The following PPARGC1A variants were observed in gnomAD, a reference collection of about 807,000 sequenced individuals.
PPARGC1A encodes PPARG coactivator 1 alpha, also known as peroxisome proliferator-activated receptor gamma coactivator 1-alpha.
Under a neutral mutation model 88.7 loss-of-function variants are expected in PPARGC1A, and 25 were observed. That is an observed-to-expected ratio of 0.28 (90% CI 0.21 to 0.39). The LOEUF (loss-of-function observed/expected upper bound fraction) is 0.39, where lower values mean the gene tolerates loss of function less well. Among genes scored for constraint, PPARGC1A ranks in the 10% least tolerant of loss-of-function variants. PPARGC1A has a pLI of 1.00. For missense variants in PPARGC1A, 880 were observed against 968.7 expected (o/e 0.91, Z 1.22); for synonymous variants, 363 against 355.6 (o/e 1.02, Z -0.24).
the PPARGC1A span, among the ~76,000 whole-genome samples, chr4:24,200,500 A>G: frequency 2.9e-4 from 44 of 152,110 alleles, no homozygotes; most frequent in South Asian, 4.2e-3. Context: ...AACAAGAGCG[A>G]AACTCTGACT....
At chr4:24,147,767 G>T in the PPARGC1A span, among the ~76,000 whole-genome samples, 1 of 152,072 alleles carries the variant, frequency 6.6e-6, no homozygotes, top group African/African-American at 2.4e-5. Context: ...GAAGGAAATG[G>T]TGAAACCCAT....
At chr4:23,909,408 C>T in the PPARGC1A span, among the ~76,000 whole-genome samples, 1 of 152,066 alleles carries the variant, frequency 6.6e-6, no homozygotes, top group East Asian at 1.9e-4. Flanking sequence ...GCGAAACCTG[C>T]GTGGATGCCA....
At chr4:23,951,400 A>C in the PPARGC1A span, among the ~76,000 whole-genome samples, 1 of 152,130 alleles carries the variant, frequency 6.6e-6, no homozygotes, top group Non-Finnish European at 1.5e-5. Flanking sequence ...CTGGAACATG[A>C]GGCTAGGGAG....
the PPARGC1A span, among the ~76,000 whole-genome samples, chr4:24,278,722 T>C: frequency 4.6e-5 from 7 of 152,348 alleles, no homozygotes; most frequent in East Asian, 1.3e-3. Context: ...ACCGTGTTGC[T>C]ATTTTGACTT....
the PPARGC1A span, among the ~76,000 whole-genome samples, chr4:24,139,635 A>T: frequency 1.3e-5 from 2 of 152,086 alleles, no homozygotes; most frequent in Non-Finnish European, 2.9e-5. Context: ...CCCCGGACTT[A>T]TTTCCCATCC....
chr4:23,804,647 T>A (rs1269111771), intron 10 of PPARGC1A, among the ~76,000 whole-genome samples: 1 of 152,232 alleles, frequency 6.6e-6, no homozygotes, highest in East Asian at 1.9e-4. Context: ...CTGGGCCTGT[T>A]GTCATCATGG....
At chr4:24,197,713 G>T in the PPARGC1A span, among the ~76,000 whole-genome samples, 6 of 152,134 alleles carry the variant, frequency 3.9e-5, no homozygotes, top group Non-Finnish European at 8.8e-5. Context: ...GTGCCACCTT[G>T]CAAAGGAGAA....
chr4:23,939,659 T>A, the PPARGC1A span, among the ~76,000 whole-genome samples: 1 of 152,146 alleles, frequency 6.6e-6, no homozygotes, highest in Non-Finnish European at 1.5e-5. Flanking sequence ...TGCCACAAAC[T>A]TAGAAGTTAT....
chr4:24,224,710 A>T, the PPARGC1A span, among the ~76,000 whole-genome samples: 1 of 152,196 alleles, frequency 6.6e-6, no homozygotes, highest in Non-Finnish European at 1.5e-5. Flanking sequence ...GAGATGACTG[A>T]TCATAATAAG....
At chr4:24,365,270 A>G in the PPARGC1A span, among the ~76,000 whole-genome samples, 1 of 152,226 alleles carries the variant, frequency 6.6e-6, no homozygotes, top group Non-Finnish European at 1.5e-5. Context: ...ATTTAAAAAT[A>G]TGTTCCCAAG....
chr4:24,049,638 A>T, the PPARGC1A span, among the ~76,000 whole-genome samples: 1 of 152,062 alleles, frequency 6.6e-6, no homozygotes, highest in Non-Finnish European at 1.5e-5. Flanking sequence ...AATTAATATC[A>T]ATGACTATTT....
chr4:24,378,965 T>C, the PPARGC1A span, among the ~76,000 whole-genome samples: 1 of 152,220 alleles, frequency 6.6e-6, no homozygotes, highest in East Asian at 1.9e-4. Flanking sequence ...TCCTTACTAT[T>C]CATAAAAATC....
At position 23,842,840 on chromosome 4, in the gene PPARGC1A, T is replaced by G. The variant is rs1157489548; in HGVS notation, c.235-11089A>C. 4.6e-5 allele frequency among the ~76,000 whole-genome samples: 7 copies of G among 152,218 alleles called. No homozygotes were observed. The East Asian group carries it at 1.4e-3, about 29-fold the overall frequency. ...GGGTAATTTGCTGTTTTGTGGCTGT[T>G]GAGTAGTGTGTAAATCAAGTTGAAA... On this transcript the variant is annotated intron_variant, in intron 2 of 12. Transcript: ENST00000264867.
the PPARGC1A span, among the ~76,000 whole-genome samples, chr4:23,925,871 G>T: frequency 6.6e-6 from 1 of 151,996 alleles, no homozygotes. Context: ...TTTTAAATAA[G>T]GAAGAAACTT....
At chr4:23,798,148 ACT>A (rs1326446911) in intron 12 of PPARGC1A, among the ~76,000 whole-genome samples, 1 of 151,324 alleles carries the variant, frequency 6.6e-6, no homozygotes, top group Non-Finnish European at 1.5e-5. Context: ...CCCTTCTCTG[ACT>A]CTCTTTTCAG....
chr4:24,378,116 C>G, the PPARGC1A span, among the ~76,000 whole-genome samples: 1 of 152,126 alleles, frequency 6.6e-6, no homozygotes, highest in Non-Finnish European at 1.5e-5. Flanking sequence ...GTGGGTAGAT[C>G]ACCTGAGGTC....
At chr4:23,909,479 C>T in the PPARGC1A span, among the ~76,000 whole-genome samples, 7 of 150,722 alleles carry the variant, frequency 4.6e-5, 1 homozygote, top group East Asian at 2.4e-4. Flanking sequence ...ATTCATAGCC[C>T]CTCTAATAAA....
chr4:24,204,466 G>C, the PPARGC1A span, among the ~76,000 whole-genome samples: 2 of 151,932 alleles, frequency 1.3e-5, no homozygotes, highest in African/African-American at 4.8e-5. Context: ...GGAGGGACAG[G>C]GAAGGAAGGG....
the PPARGC1A span, among the ~76,000 whole-genome samples, chr4:24,209,687 G>A: frequency 1.3e-5 from 2 of 152,180 alleles, no homozygotes; most frequent in African/African-American, 2.4e-5. Flanking sequence ...TCTACAAAAT[G>A]GGGTACAGAA....
Sources: allele counts gnomAD v4.1 joint callset (sites outside exome capture counted in the v4.1 genomes callset), GRCh38; gene constraint gnomAD v4.1.1; transcripts MANE v1.5; gene names NCBI Gene and HGNC (gene_info 2026-07-23, HGNC 2026-07-21).